FMN2: variants seen among roughly 807,000 people sequenced by gnomAD.
FMN2 encodes formin-2.
FMN2 carries 51 observed loss-of-function variants against 142.3 expected under a neutral mutation model. The observed-to-expected ratio is 0.36, with a 90% confidence interval of 0.29 to 0.45. The LOEUF is 0.45. Ranked by LOEUF, FMN2 falls within the 20% of genes least tolerant of loss-of-function variation. FMN2 has a pLI of 1.00. For synonymous variants in FMN2, 882 were observed against 869.8 expected, an observed-to-expected ratio of 1.01 and a Z score of -0.25; for missense variants, 1,936 against 2,122.8, an observed-to-expected ratio of 0.91 and a Z score of 1.73.
intron 14 of FMN2, among the ~76,000 whole-genome samples, chr1:240,383,808 A>C (rs1673309518): frequency 6.6e-6 from 1 of 152,032 alleles, no homozygotes; most frequent in South Asian, 2.1e-4. Context: ...TTATTACAGC[A>C]CTATTCTCAG....
chr1:240,104,136 C>T (rs1021321872), intron 1 of FMN2, among the ~76,000 whole-genome samples: 2 of 151,124 alleles, frequency 1.3e-5, no homozygotes, highest in Admixed American at 1.3e-4. Context: ...CCTCAGCCTC[C>T]CAAAGAGCTG....
chr1:240,422,009 G>A (rs180871900), intron 15 of FMN2, among the ~76,000 whole-genome samples: 1 of 152,130 alleles, frequency 6.6e-6, no homozygotes, highest in Admixed American at 6.5e-5. Flanking sequence ...AGTGAGAACT[G>A]GACCTGCATG....
At chr1:240,245,701 A>G (rs1025023226) in intron 6 of FMN2, 2 of 443,530 alleles carry the variant, frequency 4.5e-6, no homozygotes, top group Non-Finnish European at 9.2e-6. Context: ...TGAAAAGTTA[A>G]TTTTATCTTT....
At chr1:240,141,218 A>G (rs1380028854) in intron 2 of FMN2, among the ~76,000 whole-genome samples, 1 of 152,188 alleles carries the variant, frequency 6.6e-6, no homozygotes, top group Non-Finnish European at 1.5e-5. Flanking sequence ...TCTTTGAAAA[A>G]GATGTCAGGG....
At chr1:240,357,388 A>G (rs1228064341) in intron 14 of FMN2, among the ~76,000 whole-genome samples, 1 of 152,204 alleles carries the variant, frequency 6.6e-6, no homozygotes, top group Non-Finnish European at 1.5e-5. Context: ...CATACTGAAT[A>G]GTGAAATTAT....
chr1:240,396,572 G>A (rs963360530), intron 15 of FMN2, among the ~76,000 whole-genome samples: 1 of 151,972 alleles, frequency 6.6e-6, no homozygotes, highest in East Asian at 1.9e-4. Context: ...GGTATTGAGC[G>A]TAGTACTCAG....
chr1:240,397,512 A>G (rs1673819931), intron 15 of FMN2, among the ~76,000 whole-genome samples: 1 of 152,104 alleles, frequency 6.6e-6, no homozygotes, highest in Non-Finnish European at 1.5e-5. Context: ...ACGGTGGCTC[A>G]TGCCTGTAAT....
chr1:240,234,063 C>A (rs774030312), intron 6 of FMN2, among the ~76,000 whole-genome samples: 2 of 152,142 alleles, frequency 1.3e-5, no homozygotes, highest in Non-Finnish European at 2.9e-5. Context: ...ATCTTTTTAA[C>A]TGATAAGGTA....
chr1:240,293,339 T>A (rs1289422709), intron 7 of FMN2, among the ~76,000 whole-genome samples: 4 of 152,236 alleles, frequency 2.6e-5, no homozygotes, highest in Non-Finnish European at 5.9e-5. Context: ...TCCTTTATAG[T>A]TTTCTTATCA....
chr1:240,370,664 A>C (rs150621102), intron 14 of FMN2, among the ~76,000 whole-genome samples: 2 of 151,876 alleles, frequency 1.3e-5, no homozygotes, highest in African/African-American at 4.8e-5. Flanking sequence ...ACATGTGTCC[A>C]CTCCACTCTA....
chr1:240,321,352 A>G (rs73124123), intron 8 of FMN2, among the ~76,000 whole-genome samples: 1,686 of 152,270 alleles, frequency 0.011, 33 homozygotes, highest in African/African-American at 0.037. Context: ...TCTTTTATCC[A>G]CCAGCATAAG....
At position 240,144,035 on chromosome 1, in the gene FMN2, C is replaced by T. The variant is rs1663316025; in HGVS notation, c.1782+20690C>T. 3 of 1,131,270 alleles carry T rather than the reference C, an allele frequency of 2.7e-6. No homozygotes were observed. In the African/African-American group the frequency reaches 4.6e-5, roughly 17 times the overall value. 70.1% of individuals were successfully genotyped at this position (1,131,270 alleles called of 1,614,324 possible). On this transcript the variant is annotated intron_variant, in intron 2 of 17. Coordinates refer to ENST00000319653, the MANE Select transcript of FMN2 (RefSeq NM_020066.5). Reference sequence around the variant, plus strand: ...CCAGACCCCAGAGTTCACTATGCCACAGGCAAGAAGAATTCCTGACTTAAT... The same window carrying T: ...CCAGACCCCAGAGTTCACTATGCCATAGGCAAGAAGAATTCCTGACTTAAT...
intron 6 of FMN2, among the ~76,000 whole-genome samples, chr1:240,216,214 G>A (rs1666888912): frequency 6.6e-6 from 1 of 152,146 alleles, no homozygotes; most frequent in South Asian, 2.1e-4. Context: ...AATGTGAAAT[G>A]ATGCTACATT....
At position 240,322,276 on chromosome 1, in the gene FMN2, C is replaced by A. The variant is rs972128562; in HGVS notation, c.4216-6800C>A. Among the ~76,000 whole-genome samples, 10 of 152,130 alleles carry A rather than the reference C, an allele frequency of 6.6e-5. No individual in the cohort carries two copies. In the East Asian group the frequency reaches 1.9e-3, roughly 29 times the overall value. ...CTCAAAAACTAAAGCTCCTTGGCATCTTCTATAATTTTTAGGAGAGTAAAG... is the reference window on the plus strand; with the variant it reads ...CTCAAAAACTAAAGCTCCTTGGCATATTCTATAATTTTTAGGAGAGTAAAG... On this transcript the variant is annotated intron_variant, in intron 8 of 17. Coordinates refer to ENST00000319653, the MANE Select transcript of FMN2 (RefSeq NM_020066.5).
intron 2 of FMN2, among the ~76,000 whole-genome samples, chr1:240,159,123 G>C (rs116134909): frequency 0.012 from 1,885 of 151,936 alleles, 18 homozygotes; most frequent in Middle Eastern, 0.017. Context: ...TAAAGTAAAA[G>C]ACTAACAAGA....
intron 6 of FMN2, among the ~76,000 whole-genome samples, chr1:240,220,667 T>TTGTG (rs71792127): frequency 0.042 from 6,312 of 149,154 alleles, 168 homozygotes; most frequent in Middle Eastern, 0.065. Context: ...GAGTCTGTGT[T>TTGTG]TGTGTGTGTG....
chr1:240,333,718 A>G (rs752742540), intron 11 of FMN2, among the ~76,000 whole-genome samples, 169 bp from the exon 12 acceptor site: 12 of 152,102 alleles, frequency 7.9e-5, no homozygotes, highest in Non-Finnish European at 1.5e-4. Flanking sequence ...CTTTTAAGCC[A>G]CCAAACTCCT....
Position 240,345,979 on chromosome 1 carries a change from G to A in FMN2, c.4766-9837G>A, listed in dbSNP as rs114549669. On this transcript the variant is annotated intron_variant, in intron 13 of 17. Transcript: ENST00000319653. ...ATGGTATCTTCTTTCAAAGGACATC[G>A]GTTGAACTGTCAAACTGATTGAACT... 2.5e-3 allele frequency among the ~76,000 whole-genome samples: 388 copies of A among 152,226 alleles called. 1 individual carries two copies. The highest frequency in any genetic ancestry group is 8.9e-3 in the African/African-American group (370 of 41,544).
At chr1:240,169,393 A>T (rs1199126496) in intron 2 of FMN2, among the ~76,000 whole-genome samples, 1 of 152,204 alleles carries the variant, frequency 6.6e-6, no homozygotes, top group Non-Finnish European at 1.5e-5. Flanking sequence ...GACAAGGTGT[A>T]GAGCCCTCTG....
Sources: allele counts gnomAD v4.1 joint callset (sites outside exome capture counted in the v4.1 genomes callset), GRCh38; gene constraint gnomAD v4.1.1; transcripts MANE v1.5; gene names NCBI Gene and HGNC (gene_info 2026-07-23, HGNC 2026-07-21).